ARHGAP44: variants seen among roughly 807,000 people sequenced by gnomAD.
ARHGAP44 encodes the protein rho GTPase-activating protein 44.
Under a neutral mutation model 106.8 loss-of-function variants are expected in ARHGAP44, and 43 were observed. The observed-to-expected ratio is 0.40, with a 90% CI of 0.32 to 0.52. The LOEUF (loss-of-function observed/expected upper bound fraction) is 0.52. Among genes scored for constraint, ARHGAP44 ranks in the 20% least tolerant of loss-of-function variants. The pLI is 0.48. For missense variants in ARHGAP44, 866 were observed against 1,050.5 expected (o/e 0.82, Z 2.43); for synonymous variants, 439 against 410.3 (o/e 1.07, Z -0.85).
intron 15 of ARHGAP44, among the ~76,000 whole-genome samples, chr17:12,957,611 G>A (rs1275730955): frequency 6.6e-6 from 1 of 152,094 alleles, no homozygotes; most frequent in African/African-American, 2.4e-5. Context: ...TTTAATGCCT[G>A]CTTCAAAATT....
chr17:12,832,974 C>T (rs896501691), intron 1 of ARHGAP44, among the ~76,000 whole-genome samples: 6 of 152,224 alleles, frequency 3.9e-5, no homozygotes, highest in Admixed American at 6.5e-5. Context: ...CCTTCCCCGA[C>T]GATAGCTATT....
At chr17:12,862,719 G>A (rs1003024139) in intron 1 of ARHGAP44, among the ~76,000 whole-genome samples, 12 of 152,282 alleles carry the variant, frequency 7.9e-5, no homozygotes, top group African/African-American at 2.6e-4. Flanking sequence ...TTGGGGCCAG[G>A]TGCAGTGGCT....
At chr17:12,872,181 T>C (rs2036424946) in intron 1 of ARHGAP44, among the ~76,000 whole-genome samples, 1 of 152,228 alleles carries the variant, frequency 6.6e-6, no homozygotes, top group Non-Finnish European at 1.5e-5. Context: ...GGCATATTTT[T>C]TTGCCTGCAA....
Position 12,894,938 on chromosome 17 carries a change from AG to A in ARHGAP44, c.55del. 6.3e-7 allele frequency: 1 copy of A among 1,584,692 alleles called. No homozygotes were observed. The highest frequency in any genetic ancestry group is 1.2e-5 in the South Asian group (1 of 86,552). Reference sequence around the variant, plus strand: ...TGATATGTTTCTCAATGTTCTTTTTAGGGCTGAAAAGACAGAAGTTTTGAGT... The same window carrying A: ...TGATATGTTTCTCAATGTTCTTTTTAGGCTGAAAAGACAGAAGTTTTGAGT... On this transcript the variant is annotated splice_acceptor_variant, in intron 1 of 20. Transcript: ENST00000379672. LOFTEE classifies it high-confidence loss of function.
chr17:12,907,515 A>G (rs146016545), intron 3 of ARHGAP44, among the ~76,000 whole-genome samples: 3 of 152,158 alleles, frequency 2.0e-5, no homozygotes, highest in African/African-American at 7.2e-5. Flanking sequence ...GCACTAATCT[A>G]CTTTCTGTCT....
At chr17:12,849,787 A>T (rs777514482) in intron 1 of ARHGAP44, among the ~76,000 whole-genome samples, 4 of 152,084 alleles carry the variant, frequency 2.6e-5, no homozygotes, top group Non-Finnish European at 4.4e-5. Flanking sequence ...TGTCATAAAA[A>T]AATAGGTAGC....
At chr17:12,815,911 G>A (rs1321746100) in intron 1 of ARHGAP44, among the ~76,000 whole-genome samples, 1 of 152,176 alleles carries the variant, frequency 6.6e-6, no homozygotes, top group Non-Finnish European at 1.5e-5. Context: ...TCACTGGACA[G>A]ATGGAACTAT....
chr17:12,828,336 A>G (rs2034983310), intron 1 of ARHGAP44, among the ~76,000 whole-genome samples: 1 of 152,094 alleles, frequency 6.6e-6, no homozygotes, highest in Non-Finnish European at 1.5e-5. Flanking sequence ...TTTTGGGTTC[A>G]TGTAGAGATA....
intron 1 of ARHGAP44, among the ~76,000 whole-genome samples, chr17:12,855,002 C>T (rs187671876): frequency 2.0e-5 from 3 of 150,304 alleles, no homozygotes; most frequent in Admixed American, 2.0e-4. Context: ...TCTCTATGTC[C>T]ACACATGTCT....
At chr17:12,912,660 C>T (rs1347779138) in intron 4 of ARHGAP44, among the ~76,000 whole-genome samples, 2 of 152,130 alleles carry the variant, frequency 1.3e-5, no homozygotes, top group African/African-American at 4.8e-5. Context: ...GAGTCTACAA[C>T]CTTCTAGAGA....
chr17:12,885,289 A>AT (rs2036849042), intron 1 of ARHGAP44, among the ~76,000 whole-genome samples: 1 of 151,938 alleles, frequency 6.6e-6, no homozygotes, highest in East Asian at 1.9e-4. Context: ...GATTTTTAGT[A>AT]TTACAAATAA....
At chr17:12,830,203 G>A (rs1249554953) in intron 1 of ARHGAP44, among the ~76,000 whole-genome samples, 1 of 152,122 alleles carries the variant, frequency 6.6e-6, no homozygotes, top group Non-Finnish European at 1.5e-5. Flanking sequence ...TTTTTCCTAT[G>A]ATTGCTAAAT....
chr17:12,989,917 T>TATCC, intron 20 of ARHGAP44, 115 bp from the exon 21 acceptor site: 1 of 1,430,502 alleles, frequency 7.0e-7, no homozygotes, highest in Non-Finnish European at 9.6e-7. Context: ...CCAAATGATC[T>TATCC]ATCCCTAGAA....
intron 15 of ARHGAP44, among the ~76,000 whole-genome samples, chr17:12,957,280 A>G (rs1598116255): frequency 6.6e-6 from 1 of 152,060 alleles, no homozygotes; most frequent in African/African-American, 2.4e-5. Flanking sequence ...TTCAAGGGAC[A>G]CTCTGGCCTG....
At chr17:12,840,679 C>T (rs1302755789) in intron 1 of ARHGAP44, among the ~76,000 whole-genome samples, 1 of 152,222 alleles carries the variant, frequency 6.6e-6, no homozygotes, top group Non-Finnish European at 1.5e-5. Flanking sequence ...AGGGCTCCCA[C>T]TCATCATCAC....
At position 12,944,318 on chromosome 17, in the gene ARHGAP44, G is replaced by A. The variant is rs992451144; in HGVS notation, c.861+122G>A. The A allele has an allele frequency of 3.8e-6, 5 of 1,308,756 alleles. No homozygotes were observed. The African/African-American group carries it at 7.4e-5, about 19-fold the overall frequency. 81.1% of individuals were successfully genotyped at this position (1,308,756 alleles called of 1,614,324 possible). On this transcript the variant is annotated intron_variant, in intron 10 of 20. Coordinates refer to ENST00000379672, the MANE Select transcript of ARHGAP44 (RefSeq NM_014859.6). Reference sequence around the variant, plus strand: ...GCCCCCACGAATCCAAATGGCTTAAGACAGTGGCTCAGACCCATCTTCTGC... The same window carrying A: ...GCCCCCACGAATCCAAATGGCTTAAAACAGTGGCTCAGACCCATCTTCTGC...
chr17:12,912,184 A>G (rs1382692064), intron 4 of ARHGAP44, among the ~76,000 whole-genome samples: 2 of 152,230 alleles, frequency 1.3e-5, no homozygotes, highest in African/African-American at 2.4e-5. Context: ...GTGTTTTCAA[A>G]TGGTAAGGGA....
intron 1 of ARHGAP44, 124 bp downstream of exon 1, chr17:12,790,015 C>A: frequency 3.2e-6 from 3 of 929,392 alleles, no homozygotes; most frequent in Non-Finnish European, 4.6e-6. Context: ...CCTGCACCAG[C>A]TCCCTCCAGG....
In ARHGAP44 at chr17:12,949,429, C is replaced by G. The variant is rs762943562; in HGVS notation, c.973+178C>G. ...GCTCTGGCCCCTTGAAGGAAGGCCTCCCCGCATGCCAAGGGAAGACGAGGT... is the reference window on the plus strand; with the variant it reads ...GCTCTGGCCCCTTGAAGGAAGGCCTGCCCGCATGCCAAGGGAAGACGAGGT... On this transcript the variant is annotated intron_variant, in intron 11 of 20. Coordinates refer to ENST00000379672, the MANE Select transcript of ARHGAP44 (RefSeq NM_014859.6). The surrounding 1 kb of genome is among the most constrained non-coding windows in gnomAD (Gnocchi z 4.1). Among the ~76,000 whole-genome samples the G allele has an allele frequency of 7.2e-5, 11 of 152,174 alleles. No individual in the cohort carries two copies. Among genetic ancestry groups the G allele is most frequent in the Non-Finnish European group, 1.6e-4 (11 of 68,030 alleles).
Sources: gnomAD v4.1 joint callset for allele counts (sites outside exome capture counted in the v4.1 genomes callset) on GRCh38, gnomAD v4.1.1 for gene constraint, Gnocchi (gnomAD v3.1) non-coding constraint, MANE v1.5 for transcripts, NCBI Gene and HGNC (gene_info 2026-07-23, HGNC 2026-07-21) for gene names.